SSPN: variants seen among roughly 807,000 people sequenced by gnomAD.
SSPN encodes K-ras oncogene-associated protein.
Under a neutral mutation model 19.1 loss-of-function variants are expected in SSPN, and 15 were observed. The ratio of observed to expected loss-of-function variants is 0.78; its 90% confidence interval spans 0.52 to 1.21. SSPN has a LOEUF of 1.21. Among genes scored for constraint, SSPN ranks in the 50% most tolerant of loss-of-function variants. SSPN has a pLI of 0.00. For synonymous variants in SSPN, 147 were observed against 140.3 expected (o/e 1.05, Z -0.34); for missense variants, 291 against 314.0 (o/e 0.93, Z 0.55).
At chr12:26,203,956 T>G (rs1944908173) in intron 1 of SSPN, among the ~76,000 whole-genome samples, 1 of 152,186 alleles carries the variant, frequency 6.6e-6, no homozygotes, top group African/African-American at 2.4e-5. Context: ...TCCTGTTGGA[T>G]TAGGACCCCA....
chr12:26,219,666 T>C (rs895077473), intron 1 of SSPN, among the ~76,000 whole-genome samples: 2 of 146,294 alleles, frequency 1.4e-5, no homozygotes, highest in Non-Finnish European at 3.0e-5. Flanking sequence ...AATAAAGTGA[T>C]GATTACCGTC....
At chr12:26,137,822 C>T (rs551792015) in intron 1 of SSPN, among the ~76,000 whole-genome samples, 11 of 151,074 alleles carry the variant, frequency 7.3e-5, no homozygotes, top group African/African-American at 2.4e-4. Context: ...CCCACCACCA[C>T]GCCCGGCTAA....
intron 1 of SSPN, chr12:26,181,242 C>T (rs1377900601): frequency 6.6e-6 from 1 of 152,006 alleles, no homozygotes; most frequent in Non-Finnish European, 1.5e-5. Context: ...TTCAAAGAAG[C>T]TGTTCTGAAT....
intron 1 of SSPN, chr12:26,124,626 C>T (rs1944346850): frequency 6.2e-7 from 1 of 1,611,874 alleles, no homozygotes; most frequent in African/African-American, 1.3e-5. Context: ...CGGGGAGGGG[C>T]TCTGCCCTCG....
chr12:26,146,033 G>A (rs898724013), intron 1 of SSPN, among the ~76,000 whole-genome samples: 10 of 152,200 alleles, frequency 6.6e-5, no homozygotes, highest in South Asian at 2.1e-4. Context: ...CATGGAGCTG[G>A]AAGTTAGCCT....
At chr12:26,229,755 C>A (rs1945211095) in intron 2 of SSPN, among the ~76,000 whole-genome samples, 1 of 152,184 alleles carries the variant, frequency 6.6e-6, no homozygotes, top group African/African-American at 2.4e-5. Context: ...GACTCTGAGC[C>A]TTACCTAGAG....
At chr12:26,183,475 A>G (rs965259684) in intron 1 of SSPN, among the ~76,000 whole-genome samples, 2 of 152,236 alleles carry the variant, frequency 1.3e-5, no homozygotes, top group African/African-American at 4.8e-5. Flanking sequence ...TTCAATGAAT[A>G]TATGGAAATC....
intron 1 of SSPN, among the ~76,000 whole-genome samples, chr12:26,170,635 T>G (rs927724806): frequency 6.6e-6 from 1 of 152,228 alleles, no homozygotes; most frequent in African/African-American, 2.4e-5. Context: ...ATTACTCTAA[T>G]TTTTCCCTGT....
intron 2 of SSPN, among the ~76,000 whole-genome samples, chr12:26,226,502 C>CT (rs549493335): frequency 0.012 from 1,806 of 150,194 alleles, 11 homozygotes; most frequent in Non-Finnish European, 0.018. Flanking sequence ...GCCACGGGCT[C>CT]TTTTTTTTTT....
intron 1 of SSPN, among the ~76,000 whole-genome samples, chr12:26,177,824 G>A (rs1288760485): frequency 6.6e-6 from 1 of 152,126 alleles, no homozygotes; most frequent in Non-Finnish European, 1.5e-5. Context: ...ATCATGCACA[G>A]GACCCTGCAT....
In SSPN at chr12:26,195,641, G is replaced by GCGGGCCCCCC; in HGVS notation, c.-31_-30insGGGCCCCCCC. On this transcript the variant is annotated 5_prime_UTR_variant, in exon 1 of 3. Coordinates refer to ENST00000242729, the MANE Select transcript of SSPN (RefSeq NM_005086.5). ...CTCCAGGGCCCAGGGCGCCGCACAC[G>GCGGGCCCCCC]CACCCACCCACCCACCCAGCCTCGC... The GCGGGCCCCCC allele has an allele frequency of 1.8e-6, 2 of 1,105,402 alleles. No individual in the cohort carries two copies. The highest frequency in any genetic ancestry group is 1.1e-6 in the Non-Finnish European group (1 of 878,120). The allele number at this position is 1,105,402 out of a possible 1,614,324, so 68.5% of individuals were successfully genotyped here. A position where few individuals can be genotyped will look rare whatever the true frequency, so the allele number is the denominator to read the frequency against.
At chr12:26,223,562 T>G (rs980644745) in intron 1 of SSPN, among the ~76,000 whole-genome samples, 3 of 152,216 alleles carry the variant, frequency 2.0e-5, no homozygotes, top group Non-Finnish European at 4.4e-5. Context: ...TTCAGCACAT[T>G]CTTTGTGCAG....
chr12:26,182,267 G>A (rs1944723092), intron 1 of SSPN, among the ~76,000 whole-genome samples: 1 of 152,142 alleles, frequency 6.6e-6, no homozygotes, highest in Non-Finnish European at 1.5e-5. Flanking sequence ...ATTCACTATG[G>A]GGAGTGGATA....
chr12:26,209,028 C>A (rs946403787), intron 1 of SSPN, among the ~76,000 whole-genome samples: 4 of 144,534 alleles, frequency 2.8e-5, no homozygotes, highest in Non-Finnish European at 6.1e-5. Flanking sequence ...TTTTATTCTT[C>A]TTCAAAATTT....
chr12:26,229,263 G>A (rs772016731), intron 2 of SSPN, among the ~76,000 whole-genome samples: 33 of 152,210 alleles, frequency 2.2e-4, no homozygotes, highest in Non-Finnish European at 4.1e-4. Context: ...CTAATTCTAC[G>A]CTCTTCCAGT....
chr12:26,160,653 C>A (rs1176801049), intron 1 of SSPN, among the ~76,000 whole-genome samples: 1 of 152,186 alleles, frequency 6.6e-6, no homozygotes, highest in African/African-American at 2.4e-5. Context: ...TTCTTCCTTA[C>A]TCATAGCCTG....
At chr12:26,162,528 A>C (rs1944595665) in intron 1 of SSPN, among the ~76,000 whole-genome samples, 1 of 152,204 alleles carries the variant, frequency 6.6e-6, no homozygotes, top group Admixed American at 6.5e-5. Flanking sequence ...GTAGCCCTTC[A>C]TGGAGCTGAG....
intron 1 of SSPN, among the ~76,000 whole-genome samples, chr12:26,150,920 G>A (rs865925458): frequency 6.6e-6 from 1 of 152,156 alleles, no homozygotes; most frequent in African/African-American, 2.4e-5. Flanking sequence ...CACTTGTTTG[G>A]CTCTGCTCAC....
chr12:26,153,466 G>A (rs1205379632), intron 1 of SSPN, among the ~76,000 whole-genome samples: 1 of 152,024 alleles, frequency 6.6e-6, no homozygotes, highest in Non-Finnish European at 1.5e-5. Context: ...AGCTCCATGA[G>A]AGCAGTGACC....
Sources: allele counts gnomAD v4.1 joint callset (sites outside exome capture counted in the v4.1 genomes callset), GRCh38; gene constraint gnomAD v4.1.1; transcripts MANE v1.5; gene names NCBI Gene and HGNC (gene_info 2026-07-23, HGNC 2026-07-21).